RANBP2: variants seen among roughly 807,000 people sequenced by gnomAD.
RANBP2 encodes the protein RAN binding protein 2.
RANBP2 carries 57 observed loss-of-function variants against 303.6 expected under a neutral mutation model. That is an observed-to-expected ratio of 0.19 (90% CI 0.15 to 0.23). RANBP2 has a LOEUF of 0.23. Ranked by LOEUF, RANBP2 falls within the 10% of genes least tolerant of loss-of-function variation. The probability of loss-of-function intolerance (pLI) is 1.00; values close to 1 mark genes in which losing one functional copy is unlikely to be tolerated. For missense variants in RANBP2, 3,138 were observed against 3,780.8 expected, an observed-to-expected ratio of 0.83 and a Z score of 4.46; for synonymous variants, 1,167 against 1,301.5, an observed-to-expected ratio of 0.90 and a Z score of 2.23.
At chr2:109,502,960 G>A in the RANBP2 span, 1 of 152,244 alleles carries the variant, frequency 6.6e-6, no homozygotes, top group Admixed American at 6.5e-5. Flanking sequence ...GGTACAAGGA[G>A]ATCAGGGGGT....
the RANBP2 span, among the ~76,000 whole-genome samples, chr2:109,451,851 C>T: frequency 2.0e-5 from 3 of 152,352 alleles, no homozygotes; most frequent in South Asian, 4.1e-4. Flanking sequence ...AGCAGAAGTG[C>T]GTAGGCCACG....
At chr2:108,999,132 G>A in the RANBP2 span, among the ~76,000 whole-genome samples, 1 of 152,130 alleles carries the variant, frequency 6.6e-6, no homozygotes, top group Non-Finnish European at 1.5e-5. Flanking sequence ...GAGATGCCTG[G>A]GTGCCGACAA....
At chr2:108,733,878 A>T (rs1285481800) in intron 4 of RANBP2, among the ~76,000 whole-genome samples, 1 of 150,766 alleles carries the variant, frequency 6.6e-6, no homozygotes, top group Admixed American at 6.6e-5. Flanking sequence ...AATCCATGAG[A>T]TTTATAACTG....
At chr2:109,342,076 A>G in the RANBP2 span, among the ~76,000 whole-genome samples, 1 of 152,200 alleles carries the variant, frequency 6.6e-6, no homozygotes, top group Non-Finnish European at 1.5e-5. Context: ...TCTGCTGGCC[A>G]CATGCTGTGC....
At chr2:109,219,195 C>T in the RANBP2 span, among the ~76,000 whole-genome samples, 1 of 152,214 alleles carries the variant, frequency 6.6e-6, no homozygotes. Flanking sequence ...ATGGGAGGAT[C>T]CTGAACTTGG....
At chr2:109,419,020 G>A in the RANBP2 span, among the ~76,000 whole-genome samples, 1 of 152,060 alleles carries the variant, frequency 6.6e-6, no homozygotes, top group African/African-American at 2.4e-5. Context: ...AACCCTTGAA[G>A]CTTGGAGCAC....
chr2:109,201,310 C>T, the RANBP2 span, among the ~76,000 whole-genome samples: 3 of 152,240 alleles, frequency 2.0e-5, no homozygotes, highest in African/African-American at 7.2e-5. Flanking sequence ...CCCCACTCTC[C>T]CACAGGCCTC....
At chr2:109,606,898 C>G in the RANBP2 span, among the ~76,000 whole-genome samples, 1 of 152,012 alleles carries the variant, frequency 6.6e-6, no homozygotes, top group East Asian at 1.9e-4. Flanking sequence ...GTGACCCACC[C>G]ACCTCAGCCT....
the RANBP2 span, among the ~76,000 whole-genome samples, chr2:109,639,378 T>C: frequency 6.6e-6 from 1 of 152,126 alleles, no homozygotes; most frequent in East Asian, 1.9e-4. Context: ...CCCAGCATTT[T>C]GGGAGGCCAA....
chr2:109,648,503 C>A, the RANBP2 span, among the ~76,000 whole-genome samples: 1 of 151,968 alleles, frequency 6.6e-6, no homozygotes, highest in Admixed American at 6.6e-5. Context: ...GTCATGATGC[C>A]CGGCTAATTT....
At chr2:108,987,290 T>C in the RANBP2 span, among the ~76,000 whole-genome samples, 10 of 152,238 alleles carry the variant, frequency 6.6e-5, no homozygotes, top group Admixed American at 3.9e-4. Context: ...TGTGGGCCTA[T>C]GAGACCTGAG....
the RANBP2 span, among the ~76,000 whole-genome samples, chr2:109,657,686 G>A: frequency 6.7e-6 from 1 of 149,308 alleles, no homozygotes; most frequent in Non-Finnish European, 1.5e-5. Context: ...TGAACCGATG[G>A]AAAGCTCCAC....
At chr2:109,028,725 C>T in the RANBP2 span, among the ~76,000 whole-genome samples, 1 of 152,144 alleles carries the variant, frequency 6.6e-6, no homozygotes, top group Non-Finnish European at 1.5e-5. Context: ...TTGCCCTTCC[C>T]CCACACATAT....
At chr2:109,362,210 T>A in the RANBP2 span, among the ~76,000 whole-genome samples, 5 of 152,220 alleles carry the variant, frequency 3.3e-5, no homozygotes, top group Admixed American at 2.0e-4. Flanking sequence ...TGCTATAAAT[T>A]TCCCTGTAGG....
the RANBP2 span, among the ~76,000 whole-genome samples, chr2:109,114,105 T>C: frequency 6.6e-6 from 1 of 152,268 alleles, no homozygotes; most frequent in South Asian, 2.1e-4. Context: ...TCTTTTTTGG[T>C]TGTGTCTCTG....
the RANBP2 span, among the ~76,000 whole-genome samples, chr2:109,353,395 G>A: frequency 6.6e-6 from 1 of 152,238 alleles, no homozygotes; most frequent in Non-Finnish European, 1.5e-5. Context: ...GTGGGAGGGA[G>A]CACCCCACAC....
chr2:108,763,592 C>G lies in RANBP2; in HGVS notation c.3053C>G (p.Ser1018Cys). ...QPMPGEGLRP[S>C]LPTQAHTTQP... ...ATGCCGGGTGAAGGATTAAGGCCATCTTTGCCAACACAAGCACACACAACA... is the reference window on the plus strand; with the variant it reads ...ATGCCGGGTGAAGGATTAAGGCCATGTTTGCCAACACAAGCACACACAACA... Residue 1018 changes from serine (S) to cysteine (C), a missense_variant, in exon 20 of 29, where the codon TCT becomes TGT. Around this residue, in one of 20 missense-constraint regions of RANBP2, gnomAD observed 403 missense variants for 376.7 expected, o/e 1.07. Transcript: ENST00000283195. The G allele has an allele frequency of 1.2e-6, 2 of 1,614,112 alleles. No homozygotes were observed. Among genetic ancestry groups the G allele is most frequent in the African/African-American group, 1.3e-5 (1 of 75,032 alleles).
chr2:109,637,872 C>T, the RANBP2 span, among the ~76,000 whole-genome samples: 1 of 152,132 alleles, frequency 6.6e-6, no homozygotes, highest in Non-Finnish European at 1.5e-5. Flanking sequence ...GCAGGAGAAT[C>T]GCTTGAACCC....
chr2:109,544,209 A>G, the RANBP2 span: 1 of 1,608,674 alleles, frequency 6.2e-7, no homozygotes, highest in Admixed American at 1.7e-5. Context: ...CAAATATAGA[A>G]GTGATAAAAC....
Sources: gnomAD v4.1 joint callset for allele counts (sites outside exome capture counted in the v4.1 genomes callset) on GRCh38, gnomAD v4.1.1 for gene constraint, gnomAD v4.1.1 regional missense constraint, MANE v1.5 for transcripts, NCBI Gene and HGNC (gene_info 2026-07-23, HGNC 2026-07-21) for gene names.